The following WWOX variants were observed in gnomAD, a reference collection of about 807,000 sequenced individuals.
The protein encoded by WWOX is WW domain containing oxidoreductase, also known as WW domain-containing oxidoreductase.
Under a neutral mutation model 46.2 loss-of-function variants are expected in WWOX, and 69 were observed. The observed-to-expected ratio is 1.49, with a 90% CI of 1.23 to 1.82. The LOEUF is 1.82. Ranked by LOEUF, WWOX falls within the 40% of genes most tolerant of loss-of-function variation. The pLI is 0.00. For missense variants in WWOX, 919 were observed against 542.6 expected (o/e 1.69, Z -6.89); for synonymous variants, 359 against 202.6 (o/e 1.77, Z -6.56).
chr16:78,431,378 T>C (rs1485617456), intron 7 of WWOX, among the ~76,000 whole-genome samples: 4 of 152,234 alleles, frequency 2.6e-5, no homozygotes, highest in Admixed American at 6.5e-5. Flanking sequence ...ATTTTTAATC[T>C]AGAAAAGAGT....
intron 8 of WWOX, among the ~76,000 whole-genome samples, chr16:78,924,739 A>G (rs2045459969): frequency 6.6e-6 from 1 of 152,246 alleles, no homozygotes; most frequent in Admixed American, 6.5e-5. Flanking sequence ...GTCATTCTGT[A>G]GAGCTTCCTA....
At chr16:78,982,671 A>C (rs1478194662) in intron 8 of WWOX, among the ~76,000 whole-genome samples, 1 of 152,228 alleles carries the variant, frequency 6.6e-6, no homozygotes, top group East Asian at 1.9e-4. Flanking sequence ...AGGACTGTTA[A>C]TATTTTAGAC....
chr16:78,181,974 C>T (rs1361305455), intron 5 of WWOX, among the ~76,000 whole-genome samples: 1 of 152,140 alleles, frequency 6.6e-6, no homozygotes, highest in South Asian at 2.1e-4. Context: ...CTTTTCCGCA[C>T]CAGGCTCCAC....
intron 8 of WWOX, among the ~76,000 whole-genome samples, chr16:78,617,808 G>A (rs554908524): frequency 3.3e-5 from 5 of 152,198 alleles, no homozygotes; most frequent in East Asian, 1.9e-4. Flanking sequence ...CAGGAACTCC[G>A]TTAATGTTTA....
intron 8 of WWOX, among the ~76,000 whole-genome samples, chr16:78,961,185 C>A (rs772962539): frequency 6.6e-6 from 1 of 152,084 alleles, no homozygotes; most frequent in Non-Finnish European, 1.5e-5. Flanking sequence ...GTCCTTTATG[C>A]AGGGATGGTG....
intron 5 of WWOX, among the ~76,000 whole-genome samples, chr16:78,357,898 T>A (rs1056707551): frequency 2.0e-5 from 3 of 152,208 alleles, no homozygotes; most frequent in African/African-American, 7.2e-5. Flanking sequence ...CTGACTTCTG[T>A]GCCTGTTTTC....
In WWOX at chr16:78,504,222, C is replaced by G. The variant is rs537091944; in HGVS notation, c.1056+71470C>G. The stretch of plus-strand genomic sequence containing the variant: ...CTGTGGAAAAATGAAATCATGTATT[C>G]TCTAGGATATATTAGGAAATGGCTC... On this transcript the variant is annotated intron_variant, in intron 8 of 8. Coordinates refer to ENST00000566780, the MANE Select transcript of WWOX (RefSeq NM_016373.4). 2.5e-4 allele frequency among the ~76,000 whole-genome samples: 38 copies of G among 152,228 alleles called. No individual in the cohort carries two copies. In the South Asian group the frequency reaches 7.5e-3, roughly 30 times the overall value.
intron 5 of WWOX, among the ~76,000 whole-genome samples, chr16:78,312,053 T>C (rs546484462): frequency 7.8e-4 from 118 of 152,240 alleles, no homozygotes; most frequent in African/African-American, 2.8e-3. Flanking sequence ...CCAGCAACAT[T>C]GGGCTGACTC....
intron 8 of WWOX, among the ~76,000 whole-genome samples, chr16:78,984,556 A>G (rs1401931094): frequency 6.6e-6 from 1 of 152,232 alleles, no homozygotes; most frequent in African/African-American, 2.4e-5. Context: ...GATGACTCAC[A>G]TGAGCAGAGA....
rs1010276890 is a variant in WWOX, at chr16:78,118,536, A to G, written c.409+3382A>G. Among the ~76,000 whole-genome samples, 67 of 152,276 alleles carry G rather than the reference A, an allele frequency of 4.4e-4. 1 individual carries two copies. Among genetic ancestry groups the G allele is most frequent in the African/African-American group, 1.6e-3 (65 of 41,552 alleles). ...TTTTTTTTGGAACACAGCCATGCCC[A>G]TTTATTCCCATTCCTATAATGTTGA... On this transcript the variant is annotated intron_variant, in intron 4 of 8. Coordinates refer to ENST00000566780, the MANE Select transcript of WWOX (RefSeq NM_016373.4).
chr16:78,326,097 G>A (rs890365102), intron 5 of WWOX, among the ~76,000 whole-genome samples: 2 of 152,108 alleles, frequency 1.3e-5, no homozygotes, highest in African/African-American at 4.8e-5. Context: ...AAACTCTTGA[G>A]CTCCCCTCCA....
At chr16:79,135,553 C>T (rs906842415) in intron 8 of WWOX, among the ~76,000 whole-genome samples, 1 of 152,142 alleles carries the variant, frequency 6.6e-6, no homozygotes, top group African/African-American at 2.4e-5. Context: ...TATACCTTGA[C>T]TTTCTTTGAC....
intron 8 of WWOX, among the ~76,000 whole-genome samples, chr16:78,987,466 G>A (rs912952854): frequency 2.0e-5 from 3 of 152,118 alleles, no homozygotes; most frequent in Admixed American, 6.5e-5. Flanking sequence ...AGCAACTCTC[G>A]AGAGGATGAG....
At chr16:78,478,344 T>G (rs970007347) in intron 8 of WWOX, among the ~76,000 whole-genome samples, 2 of 152,182 alleles carry the variant, frequency 1.3e-5, no homozygotes, top group African/African-American at 4.8e-5. Context: ...AAATGATGTT[T>G]TTAAATGTAA....
intron 8 of WWOX, among the ~76,000 whole-genome samples, chr16:78,675,706 G>A (rs1457876253): frequency 6.6e-6 from 1 of 152,142 alleles, no homozygotes; most frequent in Non-Finnish European, 1.5e-5. Flanking sequence ...CAGGCGCAGT[G>A]GCTCATGCCT....
intron 8 of WWOX, among the ~76,000 whole-genome samples, chr16:79,067,349 G>A (rs1301581478): frequency 2.0e-5 from 3 of 152,170 alleles, no homozygotes; most frequent in African/African-American, 7.2e-5. Flanking sequence ...CAAAATGGCT[G>A]TTGTCTGCTC....
At chr16:78,329,375 C>G (rs2080706197) in intron 5 of WWOX, among the ~76,000 whole-genome samples, 1 of 152,132 alleles carries the variant, frequency 6.6e-6, no homozygotes, top group Non-Finnish European at 1.5e-5. Context: ...TGGTTTGTTT[C>G]TTAGAACAAC....
At chr16:79,050,875 C>G (rs1402887872) in intron 8 of WWOX, among the ~76,000 whole-genome samples, 12 of 152,170 alleles carry the variant, frequency 7.9e-5, no homozygotes, top group Non-Finnish European at 2.9e-5. Context: ...GGTGAGCTGA[C>G]AGTTATCCTC....
chr16:78,389,494 A>G (rs2082133215), intron 6 of WWOX, among the ~76,000 whole-genome samples: 1 of 152,214 alleles, frequency 6.6e-6, no homozygotes, highest in Admixed American at 6.5e-5. Flanking sequence ...CAAGAACAGC[A>G]GCGGAGTCAG....
Sources: allele counts gnomAD v4.1 joint callset (sites outside exome capture counted in the v4.1 genomes callset), GRCh38; gene constraint gnomAD v4.1.1; transcripts MANE v1.5; gene names NCBI Gene and HGNC (gene_info 2026-07-23, HGNC 2026-07-21).